The following LOXHD1 variants were observed in gnomAD, a reference collection of about 807,000 sequenced individuals.
LOXHD1 encodes the protein lipoxygenase homology PLAT domains 1, also known as lipoxygenase homology domain-containing protein 1.
Under a neutral mutation model 248.2 loss-of-function variants are expected in LOXHD1, and 205 were observed. That is an observed-to-expected ratio of 0.83 (90% CI 0.74 to 0.93). LOXHD1 has a LOEUF of 0.93. Ranked by LOEUF, LOXHD1 falls within the 40% of genes least tolerant of loss-of-function variation. The pLI is 0.00. For synonymous variants in LOXHD1, 1,113 were observed against 1,162.8 expected (o/e 0.96, Z 0.87); for missense variants, 2,930 against 2,971.6 (o/e 0.99, Z 0.33).
At chr18:46,485,210 C>A in intron 38 of LOXHD1, 59 bp from the exon 39 acceptor site, 1 of 1,518,034 alleles carries the variant, frequency 6.6e-7, no homozygotes, top group Admixed American at 2.0e-5. Flanking sequence ...GTCTTCAGGG[C>A]GGGAGCAAGA....
intron 21 of LOXHD1, among the ~76,000 whole-genome samples, chr18:46,553,331 C>T (rs543441223): frequency 7.9e-5 from 12 of 152,242 alleles, no homozygotes; most frequent in South Asian, 4.2e-4. Context: ...TTATTATGCC[C>T]GTTGTACAGA....
At chr18:46,530,499 C>T (rs77535769) in intron 28 of LOXHD1, among the ~76,000 whole-genome samples, 6 of 152,162 alleles carry the variant, frequency 3.9e-5, no homozygotes, top group South Asian at 4.2e-4. Flanking sequence ...TGTGTGACAG[C>T]GAGCACAGCT....
chr18:46,628,408 T>C (rs1322312037), intron 4 of LOXHD1, among the ~76,000 whole-genome samples: 3 of 152,274 alleles, frequency 2.0e-5, no homozygotes, highest in Admixed American at 2.0e-4. Context: ...ACCTGGGAAT[T>C]CTTCCATGGA....
At chr18:46,653,317 G>A (rs2039136439) in intron 1 of LOXHD1, among the ~76,000 whole-genome samples, 1 of 152,208 alleles carries the variant, frequency 6.6e-6, no homozygotes, top group African/African-American at 2.4e-5. Context: ...TCGCCTCTGA[G>A]AAGGGGTGTG....
At chr18:46,632,952 C>T (rs1455679234) in intron 4 of LOXHD1, among the ~76,000 whole-genome samples, 1 of 152,204 alleles carries the variant, frequency 6.6e-6, no homozygotes, top group Non-Finnish European at 1.5e-5. Context: ...TACTGATTCA[C>T]ATGGGGATGA....
chr18:46,564,264 T>C (rs771407594), intron 17 of LOXHD1, among the ~76,000 whole-genome samples: 3 of 152,200 alleles, frequency 2.0e-5, no homozygotes, highest in Non-Finnish European at 2.9e-5. Context: ...TTCAGGCCTG[T>C]AATTCCACTG....
chr18:46,570,388 G>C lies in LOXHD1; in HGVS notation c.2048-750C>G, dbSNP rs112138647. 1.7e-3 allele frequency among the ~76,000 whole-genome samples: 261 copies of C among 152,368 alleles called. 1 individual carries two copies. Among genetic ancestry groups the C allele is most frequent in the African/African-American group, 5.7e-3 (239 of 41,588 alleles). ...AGAGGAGGAAGCACTGGAAAGGTGAGTGATGCTCACTCCCAGGCCTGCCAC... is the reference window on the plus strand; with the variant it reads ...AGAGGAGGAAGCACTGGAAAGGTGACTGATGCTCACTCCCAGGCCTGCCAC... On this transcript the variant is annotated intron_variant, in intron 15 of 40. Transcript: ENST00000642948.
intron 34 of LOXHD1, among the ~76,000 whole-genome samples, chr18:46,514,867 A>G (rs932025939): frequency 6.6e-6 from 1 of 152,140 alleles, no homozygotes; most frequent in Non-Finnish European, 1.5e-5. Flanking sequence ...AAATACCACA[A>G]TTCTTTGTCT....
chr18:46,514,100 CT>C (rs1244081611), intron 34 of LOXHD1, among the ~76,000 whole-genome samples: 1 of 152,222 alleles, frequency 6.6e-6, no homozygotes, highest in Non-Finnish European at 1.5e-5. Flanking sequence ...GCATCTCTAT[CT>C]TGTGGGCATC....
chr18:46,657,166 T>G lies in LOXHD1; in HGVS notation c.-133A>C. 1.4e-6 allele frequency: 2 copies of G among 1,432,150 alleles called. No homozygotes were observed. Among genetic ancestry groups the G allele is most frequent in the Non-Finnish European group, 1.9e-6 (2 of 1,069,048 alleles). The allele number at this position is 1,432,150 out of a possible 1,614,324, so 88.7% of individuals were successfully genotyped here. A position where few individuals can be genotyped will look rare whatever the true frequency, so the allele number is the denominator to read the frequency against. ...TAGCTCAGGCCTGGGTGGGCCAGAGTGCCCCGTTTTCTTGGCTTCCCCGTG... is the reference window on the plus strand; with the variant it reads ...TAGCTCAGGCCTGGGTGGGCCAGAGGGCCCCGTTTTCTTGGCTTCCCCGTG... On this transcript the variant is annotated 5_prime_UTR_variant, in exon 1 of 41. Transcript: ENST00000642948.
Position 46,616,707 on chromosome 18 carries a change from C to T in LOXHD1, c.610+1485G>A, listed in dbSNP as rs12606662. Among the ~76,000 whole-genome samples the T allele has an allele frequency of 1.8e-3, 270 of 152,246 alleles. 7 individuals carry two copies. In the East Asian group the frequency reaches 0.044, roughly 25 times the overall value. Reference sequence around the variant, plus strand: ...TAGAAATTTGCTAATTTAGCCGTCACTCTGGAATGATAACCTAGCTGGTAT... The same window carrying T: ...TAGAAATTTGCTAATTTAGCCGTCATTCTGGAATGATAACCTAGCTGGTAT... On this transcript the variant is annotated intron_variant, in intron 5 of 40. Transcript: ENST00000642948.
intron 15 of LOXHD1, 114 bp from the exon 16 acceptor site, chr18:46,569,752 G>A (rs927607253): frequency 1.3e-5 from 10 of 782,378 alleles, no homozygotes; most frequent in South Asian, 4.1e-5. Flanking sequence ...GGGAACACAC[G>A]CTGGGAATTG....
intron 4 of LOXHD1, among the ~76,000 whole-genome samples, chr18:46,633,106 C>T (rs2038848079): frequency 6.6e-6 from 1 of 152,192 alleles, no homozygotes; most frequent in African/African-American, 2.4e-5. Context: ...CTGTTAAAAT[C>T]ACTTAATGAA....
At chr18:46,601,596 T>G in intron 7 of LOXHD1, 129 bp from the exon 8 acceptor site, 3 of 1,276,680 alleles carry the variant, frequency 2.3e-6, no homozygotes, top group Non-Finnish European at 3.3e-6. Context: ...TTCCCCATCA[T>G]GTCCTACTCC....
chr18:46,610,730 C>T (rs1599048098), intron 6 of LOXHD1, 46 bp downstream of exon 6: 8 of 1,503,870 alleles, frequency 5.3e-6, no homozygotes, highest in Middle Eastern at 2.1e-4. Context: ...ACAAGAAGGC[C>T]CCCCTTCCAA....
At position 46,591,944 on chromosome 18, in the gene LOXHD1, C is replaced by T. The variant is rs1412025499; in HGVS notation, c.1643G>A (p.Arg548Lys). 1 of 1,551,836 alleles carries T rather than the reference C, an allele frequency of 6.4e-7. No homozygotes were observed. The highest frequency in any genetic ancestry group is 1.2e-5 in the South Asian group (1 of 84,066). The change falls in exon 12 of 41, where the codon AGG (arginine) becomes AAG (lysine). Residue 548 changes from arginine (R) to lysine (K), a missense_variant. By Grantham distance (26) the Arg-to-Lys change is conservative. Coordinates refer to ENST00000642948, the MANE Select transcript of LOXHD1 (RefSeq NM_001384474.1). ...EMTAEGPTVR[R>K]IMGMARYHVT... ...CTGTCAGTACTTACTGCCCATGATC[C>T]TGCGCACTGTTGGGCCTTCTGCAGT...
intron 4 of LOXHD1, among the ~76,000 whole-genome samples, chr18:46,624,161 A>G (rs1336723896): frequency 6.6e-6 from 1 of 152,110 alleles, no homozygotes; most frequent in African/African-American, 2.4e-5. Context: ...TTGGAAGGAG[A>G]ATGATTGGGC....
At chr18:46,588,400 A>AT (rs1344563833) in intron 12 of LOXHD1, among the ~76,000 whole-genome samples, 1 of 152,148 alleles carries the variant, frequency 6.6e-6, no homozygotes, top group Non-Finnish European at 1.5e-5. Context: ...CCTTGAAATG[A>AT]TTTTTTAATA....
intron 37 of LOXHD1, among the ~76,000 whole-genome samples, chr18:46,500,201 T>C (rs887682791): frequency 2.6e-5 from 4 of 152,224 alleles, no homozygotes; most frequent in South Asian, 2.1e-4. Flanking sequence ...ACTTTCTCCA[T>C]AGACTCTGTT....
Sources: gnomAD v4.1 joint callset for allele counts (sites outside exome capture counted in the v4.1 genomes callset) on GRCh38, gnomAD v4.1.1 for gene constraint, MANE v1.5 for transcripts, NCBI Gene and HGNC (gene_info 2026-07-23, HGNC 2026-07-21) for gene names.